GCC2: variants seen among roughly 807,000 people sequenced by gnomAD.
The protein encoded by GCC2 is GRIP and coiled-coil domain-containing protein 2.
Under a neutral mutation model 210.6 loss-of-function variants are expected in GCC2, and 120 were observed. The observed-to-expected ratio is 0.57, with a 90% CI of 0.49 to 0.66. GCC2 has a LOEUF of 0.66. GCC2 is among the 30% of genes least tolerant of loss of function. The probability of loss-of-function intolerance (pLI) is 0.00; values close to 1 mark genes in which losing one functional copy is unlikely to be tolerated. For missense variants in GCC2, 1,868 were observed against 1,871.9 expected (o/e 1.00, Z 0.04); for synonymous variants, 703 against 652.7 (o/e 1.08, Z -1.17).
intron 7 of GCC2, 165 bp downstream of exon 7, chr2:108,473,064 T>G (rs892347191): frequency 1.3e-4 from 65 of 491,214 alleles, no homozygotes; most frequent in African/African-American, 1.1e-3. Flanking sequence ...CCTGTTTGCC[T>G]TCTCTTTCAA....
chr2:108,502,502 A>C (rs1682972492), intron 22 of GCC2, among the ~76,000 whole-genome samples: 4 of 152,344 alleles, frequency 2.6e-5, no homozygotes, highest in Middle Eastern at 3.4e-3. Flanking sequence ...AAACACATTT[A>C]AATTAGTTTG....
intron 22 of GCC2, among the ~76,000 whole-genome samples, 200 bp downstream of exon 22, chr2:108,499,954 C>T (rs1427452214): frequency 6.6e-6 from 1 of 152,176 alleles, no homozygotes; most frequent in Non-Finnish European, 1.5e-5. Context: ...ATAATTTTAA[C>T]GTTCAGCAAA....
rs549596273 is a variant in GCC2 at position 108,503,632 on chromosome 2, GAAGGA to G, written c.4984+3881_4984+3885del. On this transcript the variant is annotated intron_variant, in intron 22 of 22. Transcript: ENST00000309863. ...TCTGAGAGCCACTCTTCCTGGCACT[GAAGGA>G]AACAGGGCCCATCAGAGCAAACAAG... 2.2e-4 allele frequency among the ~76,000 whole-genome samples: 33 copies of G among 152,274 alleles called. No individual in the cohort carries two copies. In the South Asian group the frequency reaches 6.6e-3, roughly 31 times the overall value.
chr2:108,485,934 A>G (rs1200373792), intron 15 of GCC2, 26 bp downstream of exon 15: 2 of 1,293,758 alleles, frequency 1.5e-6, no homozygotes, highest in African/African-American at 3.0e-5. Context: ...TTTAAGATTA[A>G]AAAAATGTTT....
Position 108,471,716 on chromosome 2 carries a change from A to G in GCC2, c.2387A>G (p.Glu796Gly). 3.1e-6 allele frequency: 5 copies of G among 1,613,200 alleles called. No homozygotes were observed. The highest frequency in any genetic ancestry group is 4.2e-6 in the Non-Finnish European group (5 of 1,179,662). ...GAATCCTTGGCAAAAATAAATGAGGAAAAATGCAACCTGGCTTTTCAGCGT... is the reference window on the plus strand; with the variant it reads ...GAATCCTTGGCAAAAATAAATGAGGGAAAATGCAACCTGGCTTTTCAGCGT... ...VGESLAKINE[E>G]KCNLAFQRDE... Residue 796 changes from glutamate to glycine, a missense_variant, in exon 6 of 23, where the codon GAA becomes GGA. Physicochemically the swap from Glu to Gly is moderately conservative, Grantham distance 98. This residue lies in a region of GCC2 where 1,847 missense variants were observed against 1,765.2 expected (regional missense o/e 1.05). Coordinates refer to ENST00000309863, the MANE Select transcript of GCC2 (RefSeq NM_181453.4).
At chr2:108,504,629 A>C (rs1338886683) in intron 22 of GCC2, among the ~76,000 whole-genome samples, 5 of 152,162 alleles carry the variant, frequency 3.3e-5, no homozygotes, top group Non-Finnish European at 5.9e-5. Context: ...TCACAAATTG[A>C]GTGTTTCATT....
At chr2:108,468,837 C>G (rs1216197066) in intron 4 of GCC2, 143 bp from the exon 5 acceptor site, 3 of 552,238 alleles carry the variant, frequency 5.4e-6, no homozygotes, top group Non-Finnish European at 9.9e-6. Context: ...ATCTTTTCTC[C>G]TTTTCTCTTT....
Position 108,471,689 on chromosome 2 carries a change from G to A in GCC2, c.2360G>A (p.Gly787Asp). Reference protein sequence around the residue: ...KDVVNVLQAVGESLAKINEEK... With the variant: ...KDVVNVLQAVDESLAKINEEK... ...GTTGTTAATGTCCTACAGGCAGTCGGTGAATCCTTGGCAAAAATAAATGAG... is the reference window on the plus strand; with the variant it reads ...GTTGTTAATGTCCTACAGGCAGTCGATGAATCCTTGGCAAAAATAAATGAG... Residue 787 changes from glycine to aspartate, a missense_variant, in exon 6 of 23, where the codon GGT (glycine) becomes GAT (aspartate). Transcript: ENST00000309863. 2.5e-6 allele frequency: 4 copies of A among 1,613,644 alleles called. No homozygotes were observed. Among genetic ancestry groups the A allele is most frequent in the Non-Finnish European group, 3.4e-6 (4 of 1,179,720 alleles).
At position 108,475,852 on chromosome 2, in the gene GCC2, TA is replaced by T; in HGVS notation, c.3060+8del. 6.9e-7 allele frequency: 1 copy of T among 1,457,952 alleles called. No individual in the cohort carries two copies. The highest frequency in any genetic ancestry group is 1.4e-5 in the African/African-American group (1 of 70,006). The allele number at this position is 1,457,952 out of a possible 1,614,324, so 90.3% of individuals were successfully genotyped here. A position where few individuals can be genotyped will look rare whatever the true frequency, so the allele number is the denominator to read the frequency against. On this transcript the variant is annotated splice_donor_region_variant and intron_variant, in intron 9 of 22. Coordinates refer to ENST00000309863, the MANE Select transcript of GCC2 (RefSeq NM_181453.4). ...ATTCAAGGAGCAGAAAGCTATAAGG[TA>T]AAAAATAGTCATTTTAATAACAAGT...
At chr2:108,460,740 C>A (rs1680525530) in intron 4 of GCC2, among the ~76,000 whole-genome samples, 2 of 152,224 alleles carry the variant, frequency 1.3e-5, no homozygotes, top group South Asian at 4.1e-4. Context: ...ATTTGTGTCC[C>A]TGCCCAAATT....
At chr2:108,464,134 G>A (rs1335832427) in intron 4 of GCC2, among the ~76,000 whole-genome samples, 1 of 152,176 alleles carries the variant, frequency 6.6e-6, no homozygotes, top group African/African-American at 2.4e-5. Context: ...GAATGTTCAG[G>A]TGGAGACAGC....
chr2:108,461,065 C>G (rs949763809), intron 4 of GCC2, among the ~76,000 whole-genome samples: 5 of 152,188 alleles, frequency 3.3e-5, no homozygotes, highest in Non-Finnish European at 5.9e-5. Context: ...TTATAAATTA[C>G]CCAGGCTCAG....
At chr2:108,450,200 A>G (rs1405969799) in intron 2 of GCC2, among the ~76,000 whole-genome samples, 1 of 152,232 alleles carries the variant, frequency 6.6e-6, no homozygotes, top group Non-Finnish European at 1.5e-5. Context: ...CATGATAACC[A>G]TGAGATAGGT....
At chr2:108,505,097 A>G (rs1477591428) in intron 22 of GCC2, among the ~76,000 whole-genome samples, 1 of 152,258 alleles carries the variant, frequency 6.6e-6, no homozygotes, top group Non-Finnish European at 1.5e-5. Flanking sequence ...AAGGAGATGA[A>G]TAGCTGCCAG....
At chr2:108,479,131 T>C (rs1279755751) in intron 9 of GCC2, among the ~76,000 whole-genome samples, 1 of 151,950 alleles carries the variant, frequency 6.6e-6, no homozygotes, top group Non-Finnish European at 1.5e-5. Context: ...GCCACTGCAC[T>C]CCAGACTAGC....
chr2:108,450,597 T>C (rs1033848671), intron 2 of GCC2, among the ~76,000 whole-genome samples: 1 of 152,212 alleles, frequency 6.6e-6, no homozygotes, highest in Non-Finnish European at 1.5e-5. Context: ...TTTTAAAAAA[T>C]GTGGCCGGGC....
Position 108,471,942 on chromosome 2 carries a change from A to G in GCC2, c.2613A>G (p.Thr871=), listed in dbSNP as rs778799262. Residue 871 remains threonine, a synonymous_variant, in exon 6 of 23, where the codon ACA becomes ACG. Coordinates refer to ENST00000309863, the MANE Select transcript of GCC2 (RefSeq NM_181453.4). ...AAATGAAGAATGCTAATGAAAAAAC[A>G]AGGCTTGAAAATCAGAATCTTTTAA... ...LLEMKNANEK[T]RLENQNLLIQ... 5.0e-6 allele frequency: 8 copies of G among 1,603,070 alleles called. No individual in the cohort carries two copies. The highest frequency in any genetic ancestry group is 6.8e-6 in the Non-Finnish European group (8 of 1,177,174).
Position 108,472,861 on chromosome 2 carries a change from A to G in GCC2, c.2822A>G (p.Asp941Gly), listed in dbSNP as rs1681311586. Reference sequence around the variant, plus strand: ...GCAAAATCACCTTCTGTAAAAAATGATCCTCTGTCTTCAGTAAAAGAGTTG... The same window carrying G: ...GCAAAATCACCTTCTGTAAAAAATGGTCCTCTGTCTTCAGTAAAAGAGTTG... Reference protein sequence around the residue: ...SLAKSPSVKNDPLSSVKELEE... With the variant: ...SLAKSPSVKNGPLSSVKELEE... The change falls in exon 7 of 23, where the codon GAT (aspartate) becomes GGT (glycine). Residue 941 changes from aspartate (D) to glycine (G), a missense_variant. Coordinates refer to ENST00000309863, the MANE Select transcript of GCC2 (RefSeq NM_181453.4). The G allele has an allele frequency of 1.3e-6, 2 of 1,596,582 alleles. No individual in the cohort carries two copies. The highest frequency in any genetic ancestry group is 1.7e-5 in the Admixed American group (1 of 58,688).
At chr2:108,451,827 TTC>T (rs906608032) in intron 3 of GCC2, among the ~76,000 whole-genome samples, 1 of 149,636 alleles carries the variant, frequency 6.7e-6, no homozygotes, top group Non-Finnish European at 1.5e-5. Context: ...AACGTTTCTT[TTC>T]TCTCTCTCTC....
Sources: allele counts gnomAD v4.1 joint callset (sites outside exome capture counted in the v4.1 genomes callset), GRCh38; gene constraint gnomAD v4.1.1; regional missense constraint gnomAD v4.1.1; transcripts MANE v1.5; gene names NCBI Gene and HGNC (gene_info 2026-07-23, HGNC 2026-07-21).